The following MEF2A variants were observed in gnomAD, a reference collection of about 807,000 sequenced individuals.
The protein encoded by MEF2A is myocyte enhancer factor 2A.
Under a neutral mutation model 55.8 loss-of-function variants are expected in MEF2A, and 28 were observed. That is an observed-to-expected ratio of 0.50 (90% CI 0.37 to 0.69). The LOEUF (loss-of-function observed/expected upper bound fraction) is 0.69. Among genes scored for constraint, MEF2A ranks in the 30% least tolerant of loss-of-function variants. The pLI is 0.00. For synonymous variants in MEF2A, 239 were observed against 227.1 expected, an observed-to-expected ratio of 1.05 and a Z score of -0.47; for missense variants, 528 against 626.2, an observed-to-expected ratio of 0.84 and a Z score of 1.67.
rs1467073137 is a variant in MEF2A at position 99,713,246 on chromosome 15, C to T, written c.*475C>T. On this transcript the variant is annotated 3_prime_UTR_variant, in exon 12 of 12. Coordinates refer to ENST00000557942, the MANE Select transcript of MEF2A (RefSeq NM_001319206.4). Reference sequence around the variant, plus strand: ...CAGGAACCAAGAAAGCAATACTGTACATAAAATGTCATTTATATTTTCCAA... The same window carrying T: ...CAGGAACCAAGAAAGCAATACTGTATATAAAATGTCATTTATATTTTCCAA... The T allele has an allele frequency of 2.6e-6, 1 of 383,964 alleles. No individual in the cohort carries two copies. The highest frequency in any genetic ancestry group is 2.1e-5 in the African/African-American group (1 of 48,378). 23.8% of individuals were successfully genotyped at this position (383,964 alleles called of 1,614,324 possible).
In MEF2A at chr15:99,690,399, C is replaced by G. The variant is rs373219260; in HGVS notation, c.829C>G (p.Pro277Ala). 44 of 1,604,338 alleles carry G rather than the reference C, an allele frequency of 2.7e-5. No homozygotes were observed. The highest frequency in any genetic ancestry group is 6.7e-5 in the African/African-American group (5 of 74,660). ...RKPDLRVVIP[P>A]SSKGMMPPLS... ...ACCAGATCTTCGAGTTGTCATCCCC[C>G]CTTCAAGCAAGGGCATGATGCCTCC... Residue 277 changes from proline (P) to alanine (A), a missense_variant, in exon 8 of 12, where the codon CCT becomes GCT. Pro to Ala is a conservative substitution (Grantham distance 27, BLOSUM62 -1). Coordinates refer to ENST00000557942, the MANE Select transcript of MEF2A (RefSeq NM_001319206.4).
At chr15:99,711,607 G>C (rs561244428) in intron 11 of MEF2A, among the ~76,000 whole-genome samples, 3 of 152,292 alleles carry the variant, frequency 2.0e-5, no homozygotes, top group African/African-American at 7.2e-5. Context: ...CTGGGCAGTA[G>C]GAATACCCCA....
chr15:99,659,076 G>A (rs1350309338), intron 4 of MEF2A, among the ~76,000 whole-genome samples: 1 of 152,170 alleles, frequency 6.6e-6, no homozygotes, highest in Non-Finnish European at 1.5e-5. Context: ...AAGGGATAGT[G>A]AAGAACCAAG....
chr15:99,571,096 A>G (rs975677521), intron 1 of MEF2A, among the ~76,000 whole-genome samples: 1 of 151,668 alleles, frequency 6.6e-6, no homozygotes, highest in Non-Finnish European at 1.5e-5. Context: ...AGGCACGAGA[A>G]TCGCTTGAAC....
chr15:99,571,588 T>A (rs1962324688), intron 1 of MEF2A, among the ~76,000 whole-genome samples: 2 of 152,238 alleles, frequency 1.3e-5, no homozygotes, highest in African/African-American at 4.8e-5. Flanking sequence ...AAAGGCCATA[T>A]GTTTTCATAC....
At chr15:99,615,698 C>T (rs917772070) in intron 2 of MEF2A, among the ~76,000 whole-genome samples, 7 of 152,244 alleles carry the variant, frequency 4.6e-5, no homozygotes, top group African/African-American at 1.7e-4. Flanking sequence ...TAACCACTAC[C>T]GTATGCCACT....
chr15:99,681,621 A>T (rs1427508890), intron 7 of MEF2A, among the ~76,000 whole-genome samples: 1 of 152,348 alleles, frequency 6.6e-6, no homozygotes, highest in African/African-American at 2.4e-5. Flanking sequence ...TGGGGAATAC[A>T]GTATTCAGAA....
chr15:99,603,917 GCT>G (rs1974193508), intron 2 of MEF2A, among the ~76,000 whole-genome samples: 1 of 152,072 alleles, frequency 6.6e-6, no homozygotes, highest in African/African-American at 2.4e-5. Context: ...GTGTTTGGAG[GCT>G]CTGTTACTAG....
chr15:99,673,803 T>A (rs2051347182), intron 5 of MEF2A, among the ~76,000 whole-genome samples: 3 of 152,098 alleles, frequency 2.0e-5, no homozygotes, highest in Admixed American at 2.0e-4. Flanking sequence ...GTTGTTTAGA[T>A]TAGATTTCTT....
Position 99,715,851 on chromosome 15 carries a change from G to A in MEF2A, c.*3080G>A, listed in dbSNP as rs1186409159. On this transcript the variant is annotated 3_prime_UTR_variant, in exon 12 of 12. Transcript: ENST00000557942. ...AAGTCACTGTTGTGTGTACACAGGTGGTCCCAATCAAAACTCCATCTTTTG... is the reference window on the plus strand; with the variant it reads ...AAGTCACTGTTGTGTGTACACAGGTAGTCCCAATCAAAACTCCATCTTTTG... 2 of 152,242 alleles carry A rather than the reference G, an allele frequency of 1.3e-5. No individual in the cohort carries two copies. Among genetic ancestry groups the A allele is most frequent in the African/African-American group, 2.4e-5 (1 of 41,416 alleles). The allele number at this position is 152,242 out of a possible 1,614,324, so 9.4% of individuals were successfully genotyped here.
chr15:99,650,115 TA>T (rs539819251), intron 4 of MEF2A, among the ~76,000 whole-genome samples: 28 of 150,288 alleles, frequency 1.9e-4, no homozygotes, highest in Non-Finnish European at 3.1e-4. Flanking sequence ...CTACGGTACT[TA>T]AAAAAAAAAT....
At chr15:99,583,843 A>G (rs1966607423) in intron 1 of MEF2A, among the ~76,000 whole-genome samples, 1 of 152,164 alleles carries the variant, frequency 6.6e-6, no homozygotes, top group Non-Finnish European at 1.5e-5. Flanking sequence ...AGGTACAGTC[A>G]TGAGTCACTT....
chr15:99,699,359 A>G (rs1487712084), intron 8 of MEF2A, among the ~76,000 whole-genome samples: 2 of 152,222 alleles, frequency 1.3e-5, no homozygotes, highest in Admixed American at 6.5e-5. Context: ...CATTCTGGAA[A>G]ATGCAAAACT....
chr15:99,711,659 C>T (rs1235422103), intron 11 of MEF2A, among the ~76,000 whole-genome samples: 1 of 152,242 alleles, frequency 6.6e-6, no homozygotes, highest in East Asian at 1.9e-4. Flanking sequence ...AGAGCCTGAG[C>T]TCAGCAGTCC....
intron 4 of MEF2A, 138 bp from the exon 5 acceptor site, chr15:99,671,185 T>C (rs1415129985): frequency 8.9e-6 from 7 of 790,634 alleles, no homozygotes; most frequent in African/African-American, 1.7e-5. Flanking sequence ...AGTAAGTACA[T>C]TTGTGATCAT....
At chr15:99,574,777 C>G (rs1325375689) in intron 1 of MEF2A, among the ~76,000 whole-genome samples, 1 of 152,180 alleles carries the variant, frequency 6.6e-6, no homozygotes, top group Non-Finnish European at 1.5e-5. Context: ...AGGCCATGGA[C>G]TGGTACTGAT....
At chr15:99,640,554 CTTTTCTT>C (rs1385737658) in intron 3 of MEF2A, among the ~76,000 whole-genome samples, 1 of 146,178 alleles carries the variant, frequency 6.8e-6, no homozygotes, top group African/African-American at 2.5e-5. Context: ...TCTTTTCTTT[CTTTTCTT>C]TTTTTTTTTT....
chr15:99,628,589 A>G (rs772045152), intron 2 of MEF2A, among the ~76,000 whole-genome samples: 3 of 152,058 alleles, frequency 2.0e-5, no homozygotes, highest in Non-Finnish European at 4.4e-5. Context: ...TACCCAAGAG[A>G]TTACCACATG....
At chr15:99,702,029 G>A (rs1180532593) in intron 8 of MEF2A, among the ~76,000 whole-genome samples, 2 of 152,144 alleles carry the variant, frequency 1.3e-5, no homozygotes, top group African/African-American at 2.4e-5. Flanking sequence ...CTATTTACAC[G>A]CTTATTCCTG....
Sources: gnomAD v4.1 joint callset for allele counts (sites outside exome capture counted in the v4.1 genomes callset) on GRCh38, gnomAD v4.1.1 for gene constraint, MANE v1.5 for transcripts, NCBI Gene and HGNC (gene_info 2026-07-23, HGNC 2026-07-21) for gene names.